ARHGEF7: variants seen among roughly 807,000 people sequenced by gnomAD.
The protein encoded by ARHGEF7 is PAK-interacting exchange factor beta.
A neutral mutation model predicts 109.8 loss-of-function variants in ARHGEF7; 33 were observed. That is an observed-to-expected ratio of 0.30 (90% CI 0.23 to 0.40). ARHGEF7 has a LOEUF of 0.40. Ranked by LOEUF, ARHGEF7 falls within the 10% of genes least tolerant of loss-of-function variation. The pLI is 1.00. For missense variants in ARHGEF7, 938 were observed against 1,098.5 expected (o/e 0.85, Z 2.07); for synonymous variants, 458 against 424.6 (o/e 1.08, Z -0.97).
intron 6 of ARHGEF7, chr13:111,241,081 T>A (rs1375153425): frequency 1.4e-6 from 2 of 1,455,358 alleles, no homozygotes; most frequent in Non-Finnish European, 1.8e-6. Context: ...AGCATAGGGA[T>A]TGAGTGGCAC....
intron 19 of ARHGEF7, chr13:111,295,050 A>G (rs1157710406): frequency 1.0e-6 from 1 of 985,342 alleles, no homozygotes; most frequent in Admixed American, 6.2e-5. Flanking sequence ...CATTTGAAAA[A>G]CTCAATTGGA....
At chr13:111,224,772 C>T (rs1379900000) in intron 5 of ARHGEF7, among the ~76,000 whole-genome samples, 1 of 152,070 alleles carries the variant, frequency 6.6e-6, no homozygotes, top group South Asian at 2.1e-4. Flanking sequence ...ATAATCTGTG[C>T]GGGGAAAAGG....
chr13:111,121,823 C>G (rs1299312669), intron 1 of ARHGEF7, among the ~76,000 whole-genome samples: 1 of 152,116 alleles, frequency 6.6e-6, no homozygotes, highest in African/African-American at 2.4e-5. Flanking sequence ...TCTAACCTCT[C>G]GGAGTCCTAG....
chr13:111,246,997 A>G (rs929745996), intron 8 of ARHGEF7, among the ~76,000 whole-genome samples: 2 of 152,224 alleles, frequency 1.3e-5, no homozygotes, highest in Non-Finnish European at 2.9e-5. Flanking sequence ...TCCTTATGTT[A>G]TCTCAGAATT....
chr13:111,265,614 G>A (rs1404100252), intron 8 of ARHGEF7: 1 of 456,758 alleles, frequency 2.2e-6, no homozygotes, highest in South Asian at 1.5e-5. Context: ...ATGCCTGCCA[G>A]CAGACACATT....
intron 16 of ARHGEF7, among the ~76,000 whole-genome samples, chr13:111,284,551 G>A (rs1405387989): frequency 6.6e-6 from 1 of 152,194 alleles, no homozygotes; most frequent in Admixed American, 6.5e-5. Context: ...GAATTACTAG[G>A]GAAGAAAATT....
chr13:111,235,884 A>G (rs963692039), intron 6 of ARHGEF7, among the ~76,000 whole-genome samples: 11 of 152,212 alleles, frequency 7.2e-5, no homozygotes, highest in Admixed American at 2.0e-4. Flanking sequence ...ACTAAAGGGT[A>G]AGACTGGTGT....
rs2075567717 is a variant in ARHGEF7, at chr13:111,145,939, A to G, written c.166-7966A>G. On this transcript the variant is annotated intron_variant, in intron 1 of 21. Transcript: ENST00000646102. The surrounding 1 kb of genome is among the most constrained non-coding windows in gnomAD (Gnocchi z 4.3). Reference sequence around the variant, plus strand: ...TCTTTGTTTCACTTACTCCGTGATGAGTGGATTTGGTGACCTAAGTGAGTT... The same window carrying G: ...TCTTTGTTTCACTTACTCCGTGATGGGTGGATTTGGTGACCTAAGTGAGTT... 6.6e-6 allele frequency among the ~76,000 whole-genome samples: 1 copy of G among 152,142 alleles called. No homozygotes were observed. The highest frequency in any genetic ancestry group is 6.5e-5 in the Admixed American group (1 of 15,274).
rs1452458924 is a variant in ARHGEF7, at chr13:111,115,434, A to AGGCGGCGGC, written c.-81_-73dup. 6 of 931,224 alleles carry AGGCGGCGGC rather than the reference A, an allele frequency of 6.4e-6. No homozygotes were observed. The highest frequency in any genetic ancestry group is 7.6e-6 in the Non-Finnish European group (6 of 784,468). 57.7% of individuals were successfully genotyped at this position (931,224 alleles called of 1,614,324 possible). A position where few individuals can be genotyped will look rare whatever the true frequency, so the allele number is the denominator to read the frequency against. ...GCCGGCGCCGGCCGCTCGATGGGCG[A>AGGCGGCGGC]GGCGGCGGCGGCGGCGGCGGGGGCC... On this transcript the variant is annotated 5_prime_UTR_variant, in exon 1 of 22. Coordinates refer to ENST00000646102, the MANE Select transcript of ARHGEF7 (RefSeq NM_001354046.2).
At chr13:111,137,313 A>C (rs963776497) in intron 1 of ARHGEF7, among the ~76,000 whole-genome samples, 6 of 152,226 alleles carry the variant, frequency 3.9e-5, no homozygotes, top group African/African-American at 1.4e-4. Context: ...GCCATGATTG[A>C]GAATCACTGA....
chr13:111,226,851 A>G (rs759235662), intron 5 of ARHGEF7, among the ~76,000 whole-genome samples: 1 of 152,196 alleles, frequency 6.6e-6, no homozygotes, highest in Non-Finnish European at 1.5e-5. Flanking sequence ...TCTGGAAAGG[A>G]TTTACCCCTT....
rs144315828 is a variant in ARHGEF7, at chr13:111,286,107, G to T, written c.1951-40G>T. The T allele has an allele frequency of 1.9e-5, 29 of 1,519,002 alleles. No individual in the cohort carries two copies. In the East Asian group the frequency reaches 6.3e-4, roughly 33 times the overall value. The allele number at this position is 1,519,002 out of a possible 1,614,324, so 94.1% of individuals were successfully genotyped here. On this transcript the variant is annotated intron_variant, in intron 16 of 21. Transcript: ENST00000646102. ...TCTGATATGCCAGTGAAAATGATTG[G>T]CTTTAGAGTATGTTAGCATTTTCTT...
At chr13:111,200,705 T>C (rs190589799) in intron 2 of ARHGEF7, among the ~76,000 whole-genome samples, 4 of 152,364 alleles carry the variant, frequency 2.6e-5, no homozygotes, top group African/African-American at 4.8e-5. Context: ...TTAGTATTGA[T>C]GTCTCAACAC....
chr13:111,195,891 C>T (rs755711394), intron 2 of ARHGEF7, among the ~76,000 whole-genome samples: 1 of 152,178 alleles, frequency 6.6e-6, no homozygotes, highest in Non-Finnish European at 1.5e-5. Flanking sequence ...TCTCTGATCT[C>T]GCTTTTCCTT....
rs528308367 is a variant in ARHGEF7 at position 111,201,828 on chromosome 13, G to A, written c.253-3461G>A. ...CGCCGTGTCCTTCCCACAACGTGCC[G>A]CATTGTGTTGTGCGGTTCAGTGTTA... On this transcript the variant is annotated intron_variant, in intron 2 of 21. Transcript: ENST00000646102. Among the ~76,000 whole-genome samples, 13 of 152,142 alleles carry A rather than the reference G, an allele frequency of 8.5e-5. No homozygotes were observed. In the East Asian group the frequency reaches 1.7e-3, roughly 20 times the overall value.
At chr13:111,246,246 T>C (rs1347902781) in intron 8 of ARHGEF7, among the ~76,000 whole-genome samples, 2 of 152,236 alleles carry the variant, frequency 1.3e-5, no homozygotes, top group Non-Finnish European at 2.9e-5. Context: ...GTGACACATT[T>C]TATTTTTAAA....
chr13:111,277,985 C>G (rs1390103404), intron 13 of ARHGEF7, among the ~76,000 whole-genome samples: 2 of 152,170 alleles, frequency 1.3e-5, no homozygotes, highest in African/African-American at 4.8e-5. Flanking sequence ...CTCCTCCTTG[C>G]TATGGTTTTA....
At chr13:111,116,080 C>T (rs1444434575) in intron 1 of ARHGEF7, among the ~76,000 whole-genome samples, 2 of 152,210 alleles carry the variant, frequency 1.3e-5, no homozygotes, top group South Asian at 2.1e-4. Flanking sequence ...CGGCTCACTC[C>T]GCTGGCTTTG....
At chr13:111,221,634 A>C (rs1231642665) in intron 5 of ARHGEF7, among the ~76,000 whole-genome samples, 1 of 97,646 alleles carries the variant, frequency 1.0e-5, no homozygotes, top group Non-Finnish European at 2.1e-5. Flanking sequence ...ATATATATGT[A>C]TCTCCCCTTT....
Sources: gnomAD v4.1 joint callset for allele counts (sites outside exome capture counted in the v4.1 genomes callset) on GRCh38, gnomAD v4.1.1 for gene constraint, Gnocchi (gnomAD v3.1) non-coding constraint, MANE v1.5 for transcripts, NCBI Gene and HGNC (gene_info 2026-07-23, HGNC 2026-07-21) for gene names.